CDYL: variants seen among roughly 807,000 people sequenced by gnomAD.
CDYL encodes chromodomain Y-like protein.
Under a neutral mutation model 47.3 loss-of-function variants are expected in CDYL, and 8 were observed. That is an observed-to-expected ratio of 0.17 (90% CI 0.10 to 0.31). CDYL has a LOEUF of 0.31. CDYL is among the 10% of genes least tolerant of loss of function. The pLI is 1.00. For missense variants in CDYL, 471 were observed against 701.4 expected (o/e 0.67, Z 3.71); for synonymous variants, 266 against 265.0 (o/e 1.00, Z -0.04).
At chr6:4,727,213 T>A (rs1011984627) in intron 2 of CDYL, among the ~76,000 whole-genome samples, 3 of 152,130 alleles carry the variant, frequency 2.0e-5, no homozygotes, top group African/African-American at 7.2e-5. Flanking sequence ...ACCAGGAGTT[T>A]CCAGAGAAGT....
chr6:4,764,340 A>G (rs1758220100), intron 3 of CDYL, among the ~76,000 whole-genome samples: 1 of 152,136 alleles, frequency 6.6e-6, no homozygotes, highest in East Asian at 1.9e-4. Context: ...CCCAGGCTGG[A>G]GTGCAATGGC....
intron 1 of CDYL, among the ~76,000 whole-genome samples, chr6:4,875,420 A>C (rs1393069563): frequency 6.6e-6 from 1 of 152,176 alleles, no homozygotes; most frequent in East Asian, 1.9e-4. Flanking sequence ...ATTGACAAAC[A>C]ATATTTTATT....
At chr6:4,788,818 GC>G (rs1758836092) in intron 1 of CDYL, among the ~76,000 whole-genome samples, 1 of 151,848 alleles carries the variant, frequency 6.6e-6, no homozygotes, top group Non-Finnish European at 1.5e-5. Flanking sequence ...CGAACAGCCA[GC>G]CCCCTTCCCA....
rs755885510 is a variant in CDYL at position 4,954,083 on chromosome 6, G to A, written c.*27G>A. 1.1e-5 allele frequency: 18 copies of A among 1,605,314 alleles called. No individual in the cohort carries two copies. The highest frequency in any genetic ancestry group is 3.3e-5 in the South Asian group (3 of 89,768). On this transcript the variant is annotated 3_prime_UTR_variant, in exon 7 of 7. Transcript: ENST00000397588. ...TGTCGGGCTGCCCACTGGTGACACC[G>A]GGATCGGGCTGAGCAGGAGAACATC... is the stretch of plus-strand genomic sequence containing the variant.
At chr6:4,907,086 C>G (rs1757261201) in intron 2 of CDYL, among the ~76,000 whole-genome samples, 1 of 152,126 alleles carries the variant, frequency 6.6e-6, no homozygotes, top group South Asian at 2.1e-4. Flanking sequence ...GGGGTGGCAC[C>G]TCGCCACAAT....
chr6:4,775,606 A>C (rs1758416683), upstream of CDYL, among the ~76,000 whole-genome samples: 1 of 151,650 alleles, frequency 6.6e-6, no homozygotes, highest in South Asian at 2.1e-4. The surrounding 1 kb of genome is among the most constrained non-coding windows in gnomAD (Gnocchi z 7.0). Context: ...AGCTGCGGGC[A>C]GAGCGGAGGC....
intron 5 of CDYL, among the ~76,000 whole-genome samples, 185 bp from the exon 6 acceptor site, chr6:4,952,081 C>T (rs1218230756): frequency 6.6e-6 from 1 of 152,174 alleles, no homozygotes; most frequent in East Asian, 1.9e-4. Context: ...AGATTACTTT[C>T]CCACCTGCCC....
At chr6:4,749,311 G>GGATGGATGGATGGATGGATA (rs1561835643) in intron 3 of CDYL, among the ~76,000 whole-genome samples, 12 of 126,558 alleles carry the variant, frequency 9.5e-5, no homozygotes, top group African/African-American at 3.3e-4. Context: ...ATGGATAGAT[G>GGATGGATGGATGGATGGATA]GATGGATGGA....
At position 4,891,905 on chromosome 6, in the gene CDYL, A is replaced by G. The variant is rs775548129; in HGVS notation, c.217A>G (p.Arg73Gly). ...QKESTLTRTN[R>G]TSPNNARKQI... ...GGAGAGCACATTGACCAGAACAAAC[A>G]GGACCTCTCCCAACAATGCTAGGAA... Residue 73 changes from arginine (R) to glycine (G), a missense_variant, in exon 2 of 7, where the codon AGG becomes GGG. Physicochemically the swap from Arg to Gly is moderately radical, Grantham distance 125. This residue lies in a region of CDYL where 311 missense variants were observed against 350.0 expected (regional missense o/e 0.89). Transcript: ENST00000397588. The G allele has an allele frequency of 6.2e-7, 1 of 1,614,210 alleles. No homozygotes were observed. The highest frequency in any genetic ancestry group is 1.1e-5 in the South Asian group (1 of 91,076).
chr6:4,844,226 A>T (rs1760587249), intron 1 of CDYL, among the ~76,000 whole-genome samples: 1 of 152,032 alleles, frequency 6.6e-6, no homozygotes, highest in South Asian at 2.1e-4. Flanking sequence ...GAGCGTGCTT[A>T]ATTGTGGTTT....
At chr6:4,752,823 G>A (rs1758016252) in intron 3 of CDYL, among the ~76,000 whole-genome samples, 1 of 124,674 alleles carries the variant, frequency 8.0e-6, no homozygotes, top group Admixed American at 9.2e-5. Context: ...TTTCATGTCT[G>A]CAAAGGAAAA....
intron 1 of CDYL, among the ~76,000 whole-genome samples, chr6:4,803,970 C>T (rs889641680): frequency 6.9e-5 from 10 of 145,642 alleles, no homozygotes; most frequent in Admixed American, 1.4e-4. Flanking sequence ...TGTCTCATGG[C>T]GTAGCGTGCT....
Position 4,914,225 on chromosome 6 carries a change from C to G in CDYL, c.692-21290C>G, listed in dbSNP as rs146713662. On this transcript the variant is annotated intron_variant, in intron 2 of 6. Transcript: ENST00000397588. The stretch of plus-strand genomic sequence containing the variant: ...GAGTTCTTTTTTTTTTTTTTTTCCA[C>G]ACTCTCCTTCCTTTGGCACTAGTAG... 9.4e-3 allele frequency among the ~76,000 whole-genome samples: 1,276 copies of G among 136,126 alleles called. 27 individuals carry two copies. The highest frequency in any genetic ancestry group is 0.033 in the African/African-American group (1,228 of 36,864). The allele number at this position is 136,126 out of a possible 152,430, so 89.3% of individuals were successfully genotyped here. A position where few individuals can be genotyped will look rare whatever the true frequency, so the allele number is the denominator to read the frequency against.
At chr6:4,787,158 C>T (rs1416987055) in intron 1 of CDYL, among the ~76,000 whole-genome samples, 1 of 152,216 alleles carries the variant, frequency 6.6e-6, no homozygotes, top group Non-Finnish European at 1.5e-5. Context: ...TCTAACTTCT[C>T]TCTCATATGC....
intron 2 of CDYL, among the ~76,000 whole-genome samples, chr6:4,925,839 A>G (rs1205905820): frequency 1.3e-5 from 2 of 152,178 alleles, no homozygotes; most frequent in African/African-American, 2.4e-5. Context: ...TGTGGTTTGC[A>G]TGTGAGAACA....
intron 1 of CDYL, among the ~76,000 whole-genome samples, chr6:4,849,508 T>G (rs1227967067): frequency 6.6e-6 from 1 of 152,182 alleles, no homozygotes; most frequent in Non-Finnish European, 1.5e-5. Flanking sequence ...ATTAACAATC[T>G]TAAGTCTTTT....
chr6:4,818,727 G>A (rs113783685), intron 1 of CDYL, among the ~76,000 whole-genome samples: 4,123 of 152,182 alleles, frequency 0.027, 196 homozygotes, highest in African/African-American at 0.094. Flanking sequence ...GTTGTATTCC[G>A]TAGTAGAGAT....
At chr6:4,942,452 G>A (rs1361062969) in intron 4 of CDYL, among the ~76,000 whole-genome samples, 1 of 152,196 alleles carries the variant, frequency 6.6e-6, no homozygotes, top group Non-Finnish European at 1.5e-5. Flanking sequence ...CTGAATTGTA[G>A]AGAGCATCTA....
At chr6:4,768,160 G>A (rs1424756104) in intron 3 of CDYL, among the ~76,000 whole-genome samples, 1 of 152,148 alleles carries the variant, frequency 6.6e-6, no homozygotes, top group Non-Finnish European at 1.5e-5. Flanking sequence ...TCCTAAGCCT[G>A]GGACCATTTC....
Sources: allele counts gnomAD v4.1 joint callset (sites outside exome capture counted in the v4.1 genomes callset), GRCh38; gene constraint gnomAD v4.1.1; regional missense constraint gnomAD v4.1.1; non-coding constraint Gnocchi (gnomAD v3.1); transcripts MANE v1.5; gene names NCBI Gene and HGNC (gene_info 2026-07-23, HGNC 2026-07-21).